RPL22L1: variants seen among roughly 807,000 people sequenced by gnomAD.
The protein encoded by RPL22L1 is ribosomal protein eL22-like.
RPL22L1 carries 19 observed loss-of-function variants against 17.3 expected under a neutral mutation model. The observed-to-expected ratio is 1.10, with a 90% confidence interval of 0.77 to 1.61. The LOEUF (loss-of-function observed/expected upper bound fraction) is 1.61, where lower values mean the gene tolerates loss of function less well. RPL22L1 is among the 40% of genes most tolerant of loss of function. The probability of loss-of-function intolerance (pLI) is 0.00; values close to 1 mark genes in which losing one functional copy is unlikely to be tolerated. For missense variants in RPL22L1, 139 were observed against 144.4 expected, an observed-to-expected ratio of 0.96 and a Z score of 0.19; for synonymous variants, 48 against 48.5, an observed-to-expected ratio of 0.99 and a Z score of 0.05.
chr3:170,869,745 A>C (rs1183856676), intron 1 of RPL22L1, among the ~76,000 whole-genome samples: 1 of 151,900 alleles, frequency 6.6e-6, no homozygotes, highest in Non-Finnish European at 1.5e-5. Context: ...AGCGCCTAGG[A>C]GCTCCCTCTG....
intron 3 of RPL22L1, 85 bp downstream of exon 3, chr3:170,867,928 T>C: frequency 8.9e-7 from 1 of 1,124,676 alleles, no homozygotes; most frequent in Non-Finnish European, 1.2e-6. Flanking sequence ...TTCTTGCATA[T>C]AAACAGAATA....
At chr3:170,867,883 A>G in intron 3 of RPL22L1, 130 bp downstream of exon 3, 4 of 763,396 alleles carry the variant, frequency 5.2e-6, no homozygotes, top group South Asian at 4.2e-5. Context: ...TGAATTTCCC[A>G]TTTATGTAGG....
chr3:170,867,132 CATT>C (rs1209216430), intron 3 of RPL22L1, among the ~76,000 whole-genome samples: 17 of 152,158 alleles, frequency 1.1e-4, no homozygotes, highest in Non-Finnish European at 2.1e-4. Flanking sequence ...TCCAAGCCAT[CATT>C]GTCTCTCACT....
rs902805946 is a variant in RPL22L1, at chr3:170,865,821, A to G, written c.*559T>C. 3.4e-4 allele frequency: 52 copies of G among 152,322 alleles called. No homozygotes were observed. Among genetic ancestry groups the G allele is most frequent in the African/African-American group, 1.3e-3 (52 of 41,448 alleles). The allele number at this position is 152,322 out of a possible 1,614,324, so 9.4% of individuals were successfully genotyped here. ...AACAGTATTTGAGACTGTCAAGACA[A>G]TCATATACATTTTATACAGCTATAT... is the stretch of plus-strand genomic sequence containing the variant. On this transcript the variant is annotated 3_prime_UTR_variant, in exon 4 of 4. Transcript: ENST00000295830.
At chr3:170,868,436 T>A in intron 1 of RPL22L1, 46 bp from the exon 2 acceptor site, 1 of 1,154,048 alleles carries the variant, frequency 8.7e-7, no homozygotes, top group Non-Finnish European at 1.3e-6. Flanking sequence ...AACAACTTAT[T>A]CAATTTATAT....
Position 170,868,057 on chromosome 3 carries a change from G to A in RPL22L1, c.180C>T (p.Phe60=). 1 of 1,604,158 alleles carries A rather than the reference G, an allele frequency of 6.2e-7. No individual in the cohort carries two copies. Among genetic ancestry groups the A allele is most frequent in the South Asian group, 1.1e-5 (1 of 89,604 alleles). Residue 60 remains phenylalanine, a synonymous_variant, in exon 3 of 4, where the codon TTC becomes TTT. Coordinates refer to ENST00000295830, the MANE Select transcript of RPL22L1 (RefSeq NM_001099645.2). ...NLGNVVHIER[F]KNKITVVSEK... Reference sequence around the variant, plus strand: ...CAGAAACAACTGTGATTTTATTCTTGAAGCGTTCAATGTGAACAACATTCC... The same window carrying A: ...CAGAAACAACTGTGATTTTATTCTTAAAGCGTTCAATGTGAACAACATTCC...
chr3:170,868,773 G>A (rs1711867565), intron 1 of RPL22L1, among the ~76,000 whole-genome samples: 2 of 142,488 alleles, frequency 1.4e-5, no homozygotes, highest in Non-Finnish European at 3.0e-5. Context: ...CAATTCTTAC[G>A]TTATTATAGG....
chr3:170,865,897 C>A lies in RPL22L1; in HGVS notation c.*483G>T, dbSNP rs1410760703. The A allele has an allele frequency of 2.0e-5, 3 of 152,512 alleles. No homozygotes were observed. The highest frequency in any genetic ancestry group is 4.4e-5 in the Non-Finnish European group (3 of 68,316). 9.4% of individuals were successfully genotyped at this position (152,512 alleles called of 1,614,324 possible). A position where few individuals can be genotyped will look rare whatever the true frequency, so the allele number is the denominator to read the frequency against. The stretch of plus-strand genomic sequence containing the variant: ...CCTGGCCGGGCATGGTGGTTCACAG[C>A]TATAATCAGCACTTTGGGAAGCCGA... On this transcript the variant is annotated 3_prime_UTR_variant, in exon 4 of 4. Coordinates refer to ENST00000295830, the MANE Select transcript of RPL22L1 (RefSeq NM_001099645.2).
intron 3 of RPL22L1, 125 bp from the exon 4 acceptor site, chr3:170,866,649 A>G: frequency 1.5e-6 from 1 of 657,244 alleles, no homozygotes; most frequent in East Asian, 2.8e-5. Context: ...AAAATATTTC[A>G]TCCTTCCATT....
intron 1 of RPL22L1, among the ~76,000 whole-genome samples, chr3:170,869,520 A>G (rs1261989838): frequency 1.3e-5 from 2 of 152,192 alleles, no homozygotes; most frequent in South Asian, 2.1e-4. Context: ...TTATTTGTAA[A>G]TTGCGCATGT....
intron 1 of RPL22L1, among the ~76,000 whole-genome samples, 193 bp from the exon 2 acceptor site, chr3:170,868,583 T>C (rs1711860290): frequency 6.6e-6 from 1 of 152,018 alleles, no homozygotes; most frequent in East Asian, 1.9e-4. Context: ...CAAGTCCTAA[T>C]ATGTTCAAGT....
Position 170,866,321 on chromosome 3 carries a change from T to C in RPL22L1, c.*59A>G. 1 of 1,405,070 alleles carries C rather than the reference T, an allele frequency of 7.1e-7. No homozygotes were observed. The allele number at this position is 1,405,070 out of a possible 1,614,324, so 87.0% of individuals were successfully genotyped here. A position where few individuals can be genotyped will look rare whatever the true frequency, so the allele number is the denominator to read the frequency against. ...AACTAAAAGCCAATTTCTTGGTATT[T>C]CTCATGTATACTTCATTTATTTTAT... On this transcript the variant is annotated 3_prime_UTR_variant, in exon 4 of 4. Coordinates refer to ENST00000295830, the MANE Select transcript of RPL22L1 (RefSeq NM_001099645.2).
At chr3:170,869,999 T>C (rs1193758157) in intron 1 of RPL22L1, 160 bp downstream of exon 1, 21 of 1,085,028 alleles carry the variant, frequency 1.9e-5, no homozygotes, top group Non-Finnish European at 2.6e-5. Flanking sequence ...CGAAAAACAG[T>C]TCAGGATCCT....
chr3:170,868,257 A>G, intron 2 of RPL22L1, 41 bp downstream of exon 2: 1 of 1,487,058 alleles, frequency 6.7e-7, no homozygotes, highest in Non-Finnish European at 9.4e-7. Flanking sequence ...CATTATCAAT[A>G]ACTCTGATTA....
Position 170,865,620 on chromosome 3 carries a change from T to A in RPL22L1, c.*760A>T, listed in dbSNP as rs992625861. 1 of 152,196 alleles carries A rather than the reference T, an allele frequency of 6.6e-6. No homozygotes were observed. Among genetic ancestry groups the A allele is most frequent in the Non-Finnish European group, 1.5e-5 (1 of 68,048 alleles). 9.4% of individuals were successfully genotyped at this position (152,196 alleles called of 1,614,324 possible). ...CTGTAGCTGAGTTGAGATTTGGTTT[T>A]GAGTTTCTGGTGCCTACAAAGCAGG... On this transcript the variant is annotated 3_prime_UTR_variant, in exon 4 of 4. Coordinates refer to ENST00000295830, the MANE Select transcript of RPL22L1 (RefSeq NM_001099645.2).
rs1344171413 is a variant in RPL22L1, at chr3:170,865,072, A to G, written c.*1308T>C. Reference sequence around the variant, plus strand: ...ACCTGGTTAACTATTTGTGAAAAACATGAAAAATGGGAACAATGGGGCAGA... The same window carrying G: ...ACCTGGTTAACTATTTGTGAAAAACGTGAAAAATGGGAACAATGGGGCAGA... On this transcript the variant is annotated 3_prime_UTR_variant, in exon 4 of 4. Transcript: ENST00000295830. The G allele has an allele frequency of 2.0e-5, 3 of 152,254 alleles. No homozygotes were observed. The highest frequency in any genetic ancestry group is 7.2e-5 in the African/African-American group (3 of 41,462). The allele number at this position is 152,254 out of a possible 1,614,324, so 9.4% of individuals were successfully genotyped here.
At chr3:170,869,913 CA>C in intron 1 of RPL22L1, 1 of 666,666 alleles carries the variant, frequency 1.5e-6, no homozygotes, top group Non-Finnish European at 2.8e-6. Flanking sequence ...CCCGCGTGTC[CA>C]AAACCACCCA....
Position 170,868,030 on chromosome 3 carries a change from C to G in RPL22L1, c.207G>C (p.Glu69Asp). Reference protein sequence around the residue: ...RFKNKITVVSEKQFSKRYLKY... With the variant: ...RFKNKITVVSDKQFSKRYLKY... ...GTACCAACCTTTTAGAGAACTGTTT[C>G]TCAGAAACAACTGTGATTTTATTCT... Residue 69 changes from glutamate to aspartate, a missense_variant, in exon 3 of 4, where the codon GAG (glutamate) becomes GAC (aspartate). Glu to Asp is a conservative substitution (Grantham distance 45). Transcript: ENST00000295830. The G allele has an allele frequency of 1.9e-6, 3 of 1,598,080 alleles. No homozygotes were observed. The highest frequency in any genetic ancestry group is 2.6e-6 in the Non-Finnish European group (3 of 1,172,366).
At chr3:170,868,476 T>G (rs966773450) in intron 1 of RPL22L1, 86 bp from the exon 2 acceptor site, 4 of 800,102 alleles carry the variant, frequency 5.0e-6, no homozygotes, top group Non-Finnish European at 8.3e-6. Context: ...ACCAATGCAA[T>G]CTGTACAATG....
Sources: gnomAD v4.1 joint callset for allele counts (sites outside exome capture counted in the v4.1 genomes callset) on GRCh38, gnomAD v4.1.1 for gene constraint, MANE v1.5 for transcripts, NCBI Gene and HGNC (gene_info 2026-07-23, HGNC 2026-07-21) for gene names.